BEAN1: variants seen among roughly 807,000 people sequenced by gnomAD.
The protein encoded by BEAN1 is brain expressed associated with NEDD4 1.
In BEAN1, 17 loss-of-function variants were observed where a neutral mutation model predicts 17.7. The ratio of observed to expected loss-of-function variants is 0.96; its 90% CI spans 0.66 to 1.44. The LOEUF is 1.44. Ranked by LOEUF, BEAN1 falls within the 40% of genes most tolerant of loss-of-function variation. The pLI is 0.00. For missense variants in BEAN1, 359 were observed against 374.1 expected (o/e 0.96, Z 0.33); for synonymous variants, 142 against 151.8 (o/e 0.94, Z 0.47).
intron 2 of BEAN1, among the ~76,000 whole-genome samples, chr16:66,454,729 CTTTTTTTTTT>C (rs538469751): frequency 1.2e-5 from 1 of 83,680 alleles, no homozygotes; most frequent in African/African-American, 4.6e-5. Context: ...TTCTTTCTTT[CTTTTTTTTTT>C]TTTTTTTTTT....
intron 2 of BEAN1, among the ~76,000 whole-genome samples, chr16:66,451,795 T>G (rs144624826): frequency 2.1e-4 from 32 of 152,328 alleles, no homozygotes; most frequent in African/African-American, 7.2e-4. Context: ...CAGGATTGTC[T>G]GTGTCTTATT....
At chr16:66,484,819 G>A, downstream of BEAN1, 1 of 454,112 alleles carries the variant, frequency 2.2e-6, no homozygotes, top group South Asian at 1.6e-5. This position sits in a 1 kb window ranked among gnomAD's most constrained non-coding sequence, Gnocchi z 4.2. Flanking sequence ...GCCCTCAGGT[G>A]GGAGAGACGG....
chr16:66,461,781 A>G (rs1812773823), intron 2 of BEAN1, among the ~76,000 whole-genome samples: 1 of 152,092 alleles, frequency 6.6e-6, no homozygotes, highest in South Asian at 2.1e-4. Context: ...CCAGCCCACT[A>G]TTCTACAGAG....
At chr16:66,431,563 G>C (rs1322317346) in intron 1 of BEAN1, among the ~76,000 whole-genome samples, 1 of 151,156 alleles carries the variant, frequency 6.6e-6, no homozygotes, top group Non-Finnish European at 1.5e-5. Context: ...TCTGTGTTCT[G>C]TCCTTTCTAA....
Position 66,437,703 on chromosome 16 carries a change from TA to T in BEAN1, c.25+4del. The T allele has an allele frequency of 6.5e-7, 1 of 1,535,680 alleles. No homozygotes were observed. The highest frequency in any genetic ancestry group is 8.7e-7 in the Non-Finnish European group (1 of 1,146,546). ...TGTCCTTCAAACGTCCCTGCCCCTG[TA>T]AGTTTCCTCCCCACATCCTTCCACC... On this transcript the variant is annotated splice_donor_region_variant and intron_variant, in intron 2 of 4. Coordinates refer to ENST00000536005, the MANE Select transcript of BEAN1 (RefSeq NM_001178020.3).
chr16:66,454,066 A>G (rs1332480464), intron 2 of BEAN1, among the ~76,000 whole-genome samples: 1 of 152,122 alleles, frequency 6.6e-6, no homozygotes, highest in African/African-American at 2.4e-5. Flanking sequence ...TTTCCCGGAT[A>G]GTTTTCTATT....
At chr16:66,470,205 TGGATGGATGGA>T in intron 3 of BEAN1, 3 of 431,870 alleles carry the variant, frequency 6.9e-6, no homozygotes, top group East Asian at 4.1e-5. Context: ...GATGGATGGA[TGGATGGATGGA>T]TGGTTGGGTG....
chr16:66,492,896 C>A, intron 4 of BEAN1: 1 of 650,372 alleles, frequency 1.5e-6, no homozygotes, highest in Non-Finnish European at 2.8e-6. Context: ...CCTGCCTGGC[C>A]TGGCCCCTCT....
At chr16:66,448,706 C>T (rs1962550529) in intron 2 of BEAN1, among the ~76,000 whole-genome samples, 1 of 152,174 alleles carries the variant, frequency 6.6e-6, no homozygotes, top group African/African-American at 2.4e-5. Flanking sequence ...GCCTGTAGTC[C>T]CAGCTACTTG....
At chr16:66,453,644 G>A (rs1161576394) in intron 2 of BEAN1, among the ~76,000 whole-genome samples, 1 of 152,150 alleles carries the variant, frequency 6.6e-6, no homozygotes, top group African/African-American at 2.4e-5. Context: ...TTACAGGCAT[G>A]AGCCACAGTG....
At position 66,433,816 on chromosome 16, in the gene BEAN1, C is replaced by T. The variant is rs551743756; in HGVS notation, c.-82-3779C>T. 5.3e-5 allele frequency among the ~76,000 whole-genome samples: 8 copies of T among 152,298 alleles called. No homozygotes were observed. In the South Asian group the frequency reaches 1.2e-3, roughly 24 times the overall value. ...ACCCCCACAGCCTATCTCTGTCTGC[C>T]GCCCATGGTGTGAGGCTGGCCGCTC... On this transcript the variant is annotated intron_variant, in intron 1 of 4. Coordinates refer to ENST00000536005, the MANE Select transcript of BEAN1 (RefSeq NM_001178020.3).
intron 1 of BEAN1, among the ~76,000 whole-genome samples, chr16:66,433,096 T>C (rs1394142400): frequency 6.6e-6 from 1 of 152,014 alleles, no homozygotes; most frequent in Non-Finnish European, 1.5e-5. Flanking sequence ...ATTTTATTTA[T>C]TTATTTATTT....
rs113385266 is a variant in BEAN1, at chr16:66,447,965, A to G, written c.25+10264A>G. On this transcript the variant is annotated intron_variant, in intron 2 of 4. Coordinates refer to ENST00000536005, the MANE Select transcript of BEAN1 (RefSeq NM_001178020.3). ...GGAGCCTGCTGCTCTGTTCTCAGTG[A>G]AGATGCAGAGGAGAAGCCCTCTTTG... Among the ~76,000 whole-genome samples the G allele has an allele frequency of 3.8e-3, 573 of 152,306 alleles. 2 individuals are homozygous for G. The highest frequency in any genetic ancestry group is 0.012 in the African/African-American group (517 of 41,566).
chr16:66,434,944 T>C lies in BEAN1; in HGVS notation c.-82-2651T>C, dbSNP rs148585322. Among the ~76,000 whole-genome samples, 2 of 152,072 alleles carry C rather than the reference T, an allele frequency of 1.3e-5. No individual in the cohort carries two copies. Among genetic ancestry groups the C allele is most frequent in the East Asian group, 3.9e-4 (2 of 5,168 alleles). The stretch of plus-strand genomic sequence containing the variant: ...CTCCATGCCCTCGAGGAGCTACTGG[T>C]CTAGAATAATTTAGATCCGGAGTTG... On this transcript the variant is annotated intron_variant, in intron 1 of 4. Transcript: ENST00000536005. The surrounding 1 kb of genome is among the most constrained non-coding windows in gnomAD (Gnocchi z 4.3).
chr16:66,490,831 C>T (rs1964167105), intron 4 of BEAN1, among the ~76,000 whole-genome samples: 2 of 152,216 alleles, frequency 1.3e-5, no homozygotes, highest in Admixed American at 6.5e-5. Context: ...GGGGCCCGGT[C>T]ACCCTCCAAT....
chr16:66,445,261 G>C (rs529215295), intron 2 of BEAN1, among the ~76,000 whole-genome samples: 2 of 151,992 alleles, frequency 1.3e-5, no homozygotes, highest in East Asian at 3.9e-4. Context: ...CAGATCACAA[G>C]GTCAGGAGAT....
Position 66,480,740 on chromosome 16 carries a change from A to AC in BEAN1, c.599dup (p.Ala201GlyfsTer74), listed in dbSNP as rs1334389995. 1.3e-6 allele frequency: 2 copies of AC among 1,551,508 alleles called. No homozygotes were observed. The highest frequency in any genetic ancestry group is 4.9e-5 in the East Asian group (2 of 40,908). ...TGGCCGACACCAGCAGGAGCAGAGG[A>AC]CCCCGGCCCAAGGTGGCCTTCACAC... On this transcript the variant is annotated frameshift_variant, in exon 5 of 5. Transcript: ENST00000536005. LOFTEE classifies it low-confidence loss of function (END_TRUNC).
intron 1 of BEAN1, among the ~76,000 whole-genome samples, chr16:66,436,266 CTT>C (rs560577711): frequency 3.3e-5 from 4 of 120,594 alleles, no homozygotes; most frequent in Non-Finnish European, 3.5e-5. Context: ...TTTTTCTTTT[CTT>C]TTTTTTTTTT....
Position 66,480,658 on chromosome 16 carries a change from G to A in BEAN1, c.513G>A (p.Leu171=). 1.6e-5 allele frequency: 25 copies of A among 1,551,654 alleles called. No homozygotes were observed. The highest frequency in any genetic ancestry group is 1.9e-5 in the Non-Finnish European group (22 of 1,146,940). ...VPTDAPPPYS[L]TDSCPTLDGT... ...CGGACGCACCACCACCCTACTCGCT[G>A]ACTGATTCCTGCCCCACGCTGGATG... Residue 171 remains leucine (L), a synonymous_variant, in exon 5 of 5, where the codon CTG becomes CTA. Coordinates refer to ENST00000536005, the MANE Select transcript of BEAN1 (RefSeq NM_001178020.3).
Sources: gnomAD v4.1 joint callset for allele counts (sites outside exome capture counted in the v4.1 genomes callset) on GRCh38, gnomAD v4.1.1 for gene constraint, Gnocchi (gnomAD v3.1) non-coding constraint, MANE v1.5 for transcripts, NCBI Gene and HGNC (gene_info 2026-07-23, HGNC 2026-07-21) for gene names.